Variants in HPSE observed in about 807,000 individuals in gnomAD.
HPSE encodes the protein heparanase.
HPSE carries 48 observed loss-of-function variants against 65.1 expected under a neutral mutation model. The observed-to-expected ratio is 0.74, with a 90% CI of 0.58 to 0.94. The LOEUF (loss-of-function observed/expected upper bound fraction) is 0.94, where lower values mean the gene tolerates loss of function less well. Among genes scored for constraint, HPSE ranks in the 40% least tolerant of loss-of-function variants. The pLI, the probability that HPSE is intolerant of heterozygous loss-of-function variation, is 0.00. For synonymous variants in HPSE, 243 were observed against 260.0 expected (o/e 0.93, Z 0.63); for missense variants, 644 against 637.5 (o/e 1.01, Z -0.11).
At position 83,292,706 on chromosome 4, in the gene HPSE, C is replaced by T. The variant is rs1234659665; in HGVS notation, c.*2638G>A. The T allele has an allele frequency of 2.0e-5, 3 of 152,162 alleles. No homozygotes were observed. The highest frequency in any genetic ancestry group is 7.2e-5 in the African/African-American group (3 of 41,432). The allele number at this position is 152,162 out of a possible 1,614,324, so 9.4% of individuals were successfully genotyped here. Reference sequence around the variant, plus strand: ...CCATAAAGAAGAATAATGTATTTTGCAGCAACTTGGACGGAACTGGGGGCT... The same window carrying T: ...CCATAAAGAAGAATAATGTATTTTGTAGCAACTTGGACGGAACTGGGGGCT... On this transcript the variant is annotated 3_prime_UTR_variant, in exon 12 of 12. Transcript: ENST00000311412.
At chr4:83,330,061 C>T (rs1053998902) in intron 1 of HPSE, among the ~76,000 whole-genome samples, 6 of 152,136 alleles carry the variant, frequency 3.9e-5, no homozygotes, top group Admixed American at 1.3e-4. Context: ...GCATTATTAT[C>T]GTCATTTTAC....
chr4:83,325,924 T>C (rs534110816), intron 1 of HPSE, among the ~76,000 whole-genome samples: 1 of 152,144 alleles, frequency 6.6e-6, no homozygotes, highest in East Asian at 1.9e-4. Flanking sequence ...AAGGGTGTGG[T>C]TGGTGCCTAG....
intron 8 of HPSE, among the ~76,000 whole-genome samples, chr4:83,306,782 TG>T (rs1207310341): frequency 2.0e-5 from 3 of 152,204 alleles, no homozygotes; most frequent in Non-Finnish European, 4.4e-5. Flanking sequence ...AGTCTACCTT[TG>T]CAGGACTAAC....
intron 6 of HPSE, 92 bp downstream of exon 6, chr4:83,309,939 A>G (rs1485690481): frequency 3.6e-6 from 3 of 825,988 alleles, no homozygotes; most frequent in Admixed American, 4.5e-5. Context: ...ACTGCAGTCA[A>G]TTGGCAGTTA....
At chr4:83,324,205 T>A (rs980432698) in intron 1 of HPSE, among the ~76,000 whole-genome samples, 2 of 134,098 alleles carry the variant, frequency 1.5e-5, no homozygotes, top group Non-Finnish European at 3.1e-5. Flanking sequence ...CATTGCAGCC[T>A]CCACCTCCTG....
chr4:83,302,502 C>T (rs1735991940), intron 9 of HPSE, among the ~76,000 whole-genome samples: 1 of 151,650 alleles, frequency 6.6e-6, no homozygotes. Flanking sequence ...ATTCAAAAGG[C>T]CATAGCCTGT....
chr4:83,314,819 C>T (rs1736563666), intron 3 of HPSE, among the ~76,000 whole-genome samples: 1 of 152,122 alleles, frequency 6.6e-6, no homozygotes, highest in Non-Finnish European at 1.5e-5. Context: ...GTTTCTAAGT[C>T]TTTGGCCTGA....
Position 83,300,978 on chromosome 4 carries a change from G to A in HPSE, c.1454C>T (p.Pro485Leu). Residue 485 changes from proline (P) to leucine (L), a missense_variant, in exon 11 of 12, where the codon CCT becomes CTT. Transcript: ENST00000311412. ...VDKYLLRPLG[P>L]HGLLSKSVQL... is the part of the protein sequence containing the mutation. ...TACTTACTTGGAAAGTAATCCATGA[G>A]GTCCCAAAGGTCTTAGAAGGTATTT... 1 of 1,590,498 alleles carries A rather than the reference G, an allele frequency of 6.3e-7. No homozygotes were observed. The highest frequency in any genetic ancestry group is 1.2e-5 in the South Asian group (1 of 86,574).
At chr4:83,307,971 T>C (rs1578009968) in intron 8 of HPSE, among the ~76,000 whole-genome samples, 2 of 152,200 alleles carry the variant, frequency 1.3e-5, no homozygotes, top group Admixed American at 6.5e-5. Flanking sequence ...ATCTTTAAAT[T>C]TAATGATAGC....
intron 9 of HPSE, among the ~76,000 whole-genome samples, chr4:83,303,412 C>T (rs1736033213): frequency 7.1e-6 from 1 of 141,302 alleles, no homozygotes; most frequent in Non-Finnish European, 1.5e-5. Context: ...TGTTTGGATT[C>T]TGATTTGAAT....
chr4:83,302,989 A>G (rs1431942985), intron 9 of HPSE, among the ~76,000 whole-genome samples: 3 of 152,122 alleles, frequency 2.0e-5, no homozygotes, highest in Non-Finnish European at 4.4e-5. Context: ...TAACAGTTAA[A>G]AAAATCTTAA....
In HPSE at chr4:83,308,867, C is replaced by G; in HGVS notation, c.1069G>C (p.Asp357His). 1.2e-6 allele frequency: 2 copies of G among 1,613,916 alleles called. No homozygotes were observed. The highest frequency in any genetic ancestry group is 1.7e-6 in the Non-Finnish European group (2 of 1,179,872). Residue 357 changes from aspartate (D) to histidine (H), a missense_variant, in exon 8 of 12, where the codon GAC (aspartate) becomes CAC (histidine). By Grantham distance (81) the Asp-to-His change is moderately conservative. Transcript: ENST00000311412. Reference protein sequence around the residue: ...AYGGGAPLLSDTFAAGFMWLD... With the variant: ...AYGGGAPLLSHTFAAGFMWLD... ...CACATAAAGCCAGCTGCAAAGGTGT[C>G]GGATAGCAAGGGCGCTCCGCCTCCA...
intron 6 of HPSE, 99 bp downstream of exon 6, chr4:83,309,932 G>T (rs1013502762): frequency 7.8e-6 from 6 of 767,596 alleles, no homozygotes; most frequent in African/African-American, 7.0e-5. Flanking sequence ...TATTTGAACT[G>T]CAGTCAATTG....
chr4:83,313,423 G>A, intron 3 of HPSE, 136 bp from the exon 4 acceptor site: 2 of 580,098 alleles, frequency 3.4e-6, no homozygotes, highest in Non-Finnish European at 5.8e-6. Context: ...TTATAATTAT[G>A]TTTTTGAGAC....
In HPSE at chr4:83,300,971, T is replaced by C; in HGVS notation, c.1461A>G (p.Gly487=). The change falls in exon 11 of 12, where the codon GGA becomes GGG. Residue 487 remains glycine, a synonymous_variant. Transcript: ENST00000311412. ...KYLLRPLGPH[G]LLSKSVQLNG... Reference sequence around the variant, plus strand: ...GGAAAATTACTTACTTGGAAAGTAATCCATGAGGTCCCAAAGGTCTTAGAA... The same window carrying C: ...GGAAAATTACTTACTTGGAAAGTAACCCATGAGGTCCCAAAGGTCTTAGAA... 6.3e-7 allele frequency: 1 copy of C among 1,588,316 alleles called. No individual in the cohort carries two copies. Among genetic ancestry groups the C allele is most frequent in the Non-Finnish European group, 8.6e-7 (1 of 1,169,046 alleles).
At chr4:83,334,992 G>A (rs998075099), upstream of HPSE, 4 of 733,606 alleles carry the variant, frequency 5.5e-6, no homozygotes, top group African/African-American at 7.3e-5. Context: ...CCGCCTGCCC[G>A]GCTCTCTCCT....
At chr4:83,319,530 T>C in intron 2 of HPSE, 61 bp from the exon 3 acceptor site, 1 of 1,499,898 alleles carries the variant, frequency 6.7e-7, no homozygotes. Flanking sequence ...TGAAATCGCA[T>C]ATATTTATTT....
intron 1 of HPSE, among the ~76,000 whole-genome samples, chr4:83,332,891 C>A (rs1412325080): frequency 6.6e-6 from 1 of 152,068 alleles, no homozygotes; most frequent in African/African-American, 2.4e-5. Context: ...AGTAAATGGA[C>A]ATCTACTTCA....
rs1385128384 is a variant in HPSE, at chr4:83,293,068, C to G, written c.*2276G>C. ...GGCATACATTTGAAGAATATTAATCCTTAAGAGGGGAAAATAATTACATTT... is the reference window on the plus strand; with the variant it reads ...GGCATACATTTGAAGAATATTAATCGTTAAGAGGGGAAAATAATTACATTT... On this transcript the variant is annotated 3_prime_UTR_variant, in exon 12 of 12. Transcript: ENST00000311412. The G allele has an allele frequency of 6.6e-6, 1 of 152,046 alleles. No homozygotes were observed. Among genetic ancestry groups the G allele is most frequent in the Non-Finnish European group, 1.5e-5 (1 of 68,014 alleles). 9.4% of individuals were successfully genotyped at this position (152,046 alleles called of 1,614,324 possible).
Sources: gnomAD v4.1 joint callset for allele counts (sites outside exome capture counted in the v4.1 genomes callset) on GRCh38, gnomAD v4.1.1 for gene constraint, MANE v1.5 for transcripts, NCBI Gene and HGNC (gene_info 2026-07-23, HGNC 2026-07-21) for gene names.